Variants in CABIN1 observed in about 807,000 individuals in gnomAD.
CABIN1 encodes the protein calcineurin binding protein 1, also known as calcineurin-binding protein cabin-1.
CABIN1 carries 133 observed loss-of-function variants against 227.7 expected under a neutral mutation model. The observed-to-expected ratio is 0.58, with a 90% CI of 0.51 to 0.67. The LOEUF (loss-of-function observed/expected upper bound fraction) is 0.67. Ranked by LOEUF, CABIN1 falls within the 30% of genes least tolerant of loss-of-function variation. The pLI is 0.00. For synonymous variants in CABIN1, 1,086 were observed against 1,155.1 expected (o/e 0.94, Z 1.21); for missense variants, 2,408 against 2,852.5 (o/e 0.84, Z 3.55).
At chr22:24,016,079 G>A (rs1030089104) in intron 1 of CABIN1, among the ~76,000 whole-genome samples, 3 of 152,266 alleles carry the variant, frequency 2.0e-5, no homozygotes, top group Non-Finnish European at 2.9e-5. Context: ...AAGCATCATC[G>A]CAATACATTT....
chr22:24,042,530 A>G (rs1008841872), intron 5 of CABIN1, among the ~76,000 whole-genome samples: 5 of 152,328 alleles, frequency 3.3e-5, no homozygotes, highest in South Asian at 2.1e-4. Flanking sequence ...GCAGTGAGCT[A>G]TGATCACACC....
Position 24,067,157 on chromosome 22 carries a change from G to T in CABIN1, c.2208G>T (p.Arg736Ser). The stretch of plus-strand genomic sequence containing the variant: ...AGTTTATGACTTCCATTCCTGAGAG[G>T]CCAGCCCAGCTGCTTCTTCTGCAGG... ...HLEFMTSIPERPAQLLLLQDS... is the reference protein window; with the variant it reads ...HLEFMTSIPESPAQLLLLQDS... Residue 736 changes from arginine to serine, a missense_variant, in exon 16 of 37, where the codon AGG (arginine) becomes AGT (serine). Physicochemically the swap from Arg to Ser is moderately radical, Grantham distance 110. Coordinates refer to ENST00000263119, the MANE Select transcript of CABIN1 (RefSeq NM_012295.4). The T allele has an allele frequency of 6.2e-7, 1 of 1,614,226 alleles. No individual in the cohort carries two copies. Among genetic ancestry groups the T allele is most frequent in the Non-Finnish European group, 8.5e-7 (1 of 1,180,052 alleles).
intron 16 of CABIN1, 63 bp from the exon 17 acceptor site, chr22:24,070,737 C>T (rs996897254): frequency 6.2e-7 from 1 of 1,612,452 alleles, no homozygotes; most frequent in African/African-American, 1.3e-5. Context: ...TGTCTCTGCT[C>T]AGGCCTTGGG....
intron 15 of CABIN1, among the ~76,000 whole-genome samples, chr22:24,065,191 C>T (rs1487141239): frequency 1.7e-4 from 25 of 150,644 alleles, no homozygotes; most frequent in Non-Finnish European, 3.1e-4. Flanking sequence ...CGGGCGGAGA[C>T]GCTCCTCACT....
chr22:24,039,285 A>C (rs1002942127), intron 4 of CABIN1, among the ~76,000 whole-genome samples: 33 of 152,206 alleles, frequency 2.2e-4, no homozygotes, highest in Admixed American at 2.6e-4. Context: ...AGTGCTAGGC[A>C]TGCAGACACT....
chr22:24,156,809 G>A (rs1224094528), intron 29 of CABIN1, among the ~76,000 whole-genome samples: 1 of 152,146 alleles, frequency 6.6e-6, no homozygotes, highest in Non-Finnish European at 1.5e-5. Flanking sequence ...AGTTGGCGGC[G>A]GGGCTCTCCC....
intron 29 of CABIN1, among the ~76,000 whole-genome samples, chr22:24,143,701 T>A (rs993826537): frequency 6.6e-6 from 1 of 151,984 alleles, no homozygotes; most frequent in South Asian, 2.1e-4. Flanking sequence ...GATCGGGGGG[T>A]GCCTCCTTAG....
In CABIN1 at chr22:24,167,104, GCCA is replaced by G. The variant is rs1569312607; in HGVS notation, c.5481_5483del (p.Thr1828del). The G allele has an allele frequency of 7.5e-7, 1 of 1,337,640 alleles. No individual in the cohort carries two copies. Among genetic ancestry groups the G allele is most frequent in the Non-Finnish European group, 1.0e-6 (1 of 1,002,152 alleles). 82.9% of individuals were successfully genotyped at this position (1,337,640 alleles called of 1,614,324 possible). On this transcript the variant is annotated inframe_deletion, in exon 32 of 37. Transcript: ENST00000263119. Reference sequence around the variant, plus strand: ...CCAGCCAGCCCCCGCCCCCGCCCCCGCCACCACCACAGGGACCAGGGCAGGGGG... The same window carrying G: ...CCAGCCAGCCCCCGCCCCCGCCCCCGCCACCACAGGGACCAGGGCAGGGGG...
chr22:24,110,787 A>G (rs2042767087), intron 26 of CABIN1, among the ~76,000 whole-genome samples: 1 of 151,810 alleles, frequency 6.6e-6, no homozygotes, highest in Admixed American at 6.6e-5. Context: ...GTCCCTCTGT[A>G]TCTGATGTAT....
intron 19 of CABIN1, among the ~76,000 whole-genome samples, chr22:24,082,168 C>T (rs774567457): frequency 8.1e-5 from 12 of 148,416 alleles, no homozygotes; most frequent in Non-Finnish European, 1.5e-4. Context: ...CAGCTCACTG[C>T]AGCCTGGACC....
intron 15 of CABIN1, among the ~76,000 whole-genome samples, chr22:24,064,664 C>A (rs2039471609): frequency 6.6e-6 from 1 of 151,404 alleles, no homozygotes; most frequent in Non-Finnish European, 1.5e-5. Flanking sequence ...GACCCTGCGG[C>A]CTTCCGCAGT....
At chr22:24,120,560 G>T (rs774867189) in intron 28 of CABIN1, among the ~76,000 whole-genome samples, 1 of 152,140 alleles carries the variant, frequency 6.6e-6, no homozygotes, top group Non-Finnish European at 1.5e-5. Flanking sequence ...GGTGGCTCAC[G>T]CCTGTAATCC....
intron 10 of CABIN1, 49 bp downstream of exon 10, chr22:24,056,409 G>T (rs779432945): frequency 6.4e-7 from 1 of 1,572,796 alleles, no homozygotes; most frequent in South Asian, 1.1e-5. Context: ...CAAAGCTCCA[G>T]CATACACCAT....
At chr22:24,170,152 T>C (rs1229590449) in intron 33 of CABIN1, 1 of 458,932 alleles carries the variant, frequency 2.2e-6, no homozygotes, top group Admixed American at 2.3e-5. Flanking sequence ...GGGGGCGCCT[T>C]GGTATCTGCC....
intron 8 of CABIN1, 49 bp downstream of exon 8, chr22:24,051,023 G>A (rs1190409258): frequency 1.9e-6 from 3 of 1,611,204 alleles, no homozygotes; most frequent in Non-Finnish European, 2.5e-6. Flanking sequence ...AGTAGGCCCT[G>A]TTGTGGGATG....
At chr22:24,141,975 C>T (rs1317099188) in intron 29 of CABIN1, among the ~76,000 whole-genome samples, 1 of 152,164 alleles carries the variant, frequency 6.6e-6, no homozygotes, top group Non-Finnish European at 1.5e-5. Context: ...TCTGGTACCC[C>T]ATACCTGCCA....
At chr22:24,036,945 G>A (rs1012131469) in intron 3 of CABIN1, among the ~76,000 whole-genome samples, 1 of 152,124 alleles carries the variant, frequency 6.6e-6, no homozygotes, top group Non-Finnish European at 1.5e-5. Flanking sequence ...ATCAGGCTAT[G>A]GCAGAGTGGT....
chr22:24,033,118 T>A (rs1418902629), intron 1 of CABIN1, among the ~76,000 whole-genome samples: 3 of 152,138 alleles, frequency 2.0e-5, no homozygotes, highest in Non-Finnish European at 4.4e-5. Context: ...GTTTCCAAAC[T>A]TTTGATTAGC....
At chr22:24,099,142 G>T (rs911282987) in intron 26 of CABIN1, among the ~76,000 whole-genome samples, 11 of 152,172 alleles carry the variant, frequency 7.2e-5, no homozygotes, top group Non-Finnish European at 1.3e-4. Flanking sequence ...GGTCTGGGGG[G>T]GGCCACCACC....
Sources: allele counts gnomAD v4.1 joint callset (sites outside exome capture counted in the v4.1 genomes callset), GRCh38; gene constraint gnomAD v4.1.1; transcripts MANE v1.5; gene names NCBI Gene and HGNC (gene_info 2026-07-23, HGNC 2026-07-21).